The following MAGI1 variants were observed in gnomAD, a reference collection of about 807,000 sequenced individuals.
MAGI1 encodes membrane associated guanylate kinase, WW and PDZ domain containing 1, also known as membrane-associated guanylate kinase, WW and PDZ domain-containing protein 1.
Under a neutral mutation model 139.9 loss-of-function variants are expected in MAGI1, and 58 were observed. The ratio of observed to expected loss-of-function variants is 0.41; its 90% CI spans 0.34 to 0.52. MAGI1 has a LOEUF of 0.52. Ranked by LOEUF, MAGI1 falls within the 20% of genes least tolerant of loss-of-function variation. The pLI is 0.12. For synonymous variants in MAGI1, 812 were observed against 737.9 expected, an observed-to-expected ratio of 1.10 and a Z score of -1.63; for missense variants, 1,874 against 1,901.6, an observed-to-expected ratio of 0.99 and a Z score of 0.27.
chr3:65,888,035 C>A (rs1382877882), intron 1 of MAGI1, among the ~76,000 whole-genome samples: 1 of 152,094 alleles, frequency 6.6e-6, no homozygotes, highest in Admixed American at 6.6e-5. Flanking sequence ...GAACCTATCA[C>A]CAAACTAAGA....
intron 2 of MAGI1, among the ~76,000 whole-genome samples, chr3:65,508,574 T>C (rs1051522516): frequency 1.2e-4 from 18 of 152,184 alleles, no homozygotes; most frequent in Admixed American, 1.2e-3. Context: ...GTGCTTTGCC[T>C]TCTAAGACAG....
At chr3:65,847,509 A>AC (rs2059046955) in intron 1 of MAGI1, among the ~76,000 whole-genome samples, 1 of 152,216 alleles carries the variant, frequency 6.6e-6, no homozygotes, top group Admixed American at 6.5e-5. Context: ...CTAACATATT[A>AC]AACAAATTTT....
chr3:65,659,044 T>C (rs1409792006), intron 1 of MAGI1, among the ~76,000 whole-genome samples: 1 of 152,170 alleles, frequency 6.6e-6, no homozygotes, highest in African/African-American at 2.4e-5. Context: ...TAAGTCCTAT[T>C]TTTATTCCTA....
intron 1 of MAGI1, among the ~76,000 whole-genome samples, chr3:65,692,547 A>T (rs1277629516): frequency 1.3e-5 from 2 of 152,138 alleles, no homozygotes; most frequent in East Asian, 3.9e-4. Context: ...GTCATCACCA[A>T]CATCATCATC....
At chr3:65,709,828 C>A (rs575211803) in intron 1 of MAGI1, among the ~76,000 whole-genome samples, 1 of 152,162 alleles carries the variant, frequency 6.6e-6, no homozygotes, top group Non-Finnish European at 1.5e-5. Flanking sequence ...CTCTAATTGA[C>A]GTACAGAACT....
chr3:65,538,138 C>T (rs2372066), intron 2 of MAGI1, among the ~76,000 whole-genome samples: 38,399 of 151,974 alleles, frequency 0.25, 5,186 homozygotes, highest in African/African-American at 0.32. Context: ...TCTAGCTCAA[C>T]AAAAACAAAG....
chr3:65,696,623 T>A (rs75223110), intron 1 of MAGI1, among the ~76,000 whole-genome samples: 24,290 of 152,178 alleles, frequency 0.16, 2,598 homozygotes, highest in Non-Finnish European at 0.24. Context: ...CTTCATGTTT[T>A]TTTTCCCTCC....
At chr3:65,415,248 C>T (rs1028830946) in intron 12 of MAGI1, among the ~76,000 whole-genome samples, 1 of 152,192 alleles carries the variant, frequency 6.6e-6, no homozygotes, top group Non-Finnish European at 1.5e-5. Flanking sequence ...CTCCAGACAA[C>T]TAAGTCAAAG....
intron 4 of MAGI1, among the ~76,000 whole-genome samples, chr3:65,472,365 T>C (rs1174232153): frequency 6.6e-6 from 1 of 152,148 alleles, no homozygotes; most frequent in African/African-American, 2.4e-5. Flanking sequence ...GGCTCTGTCC[T>C]CCAGGAAACA....
chr3:65,717,400 C>G (rs897373081), intron 1 of MAGI1: 1 of 152,116 alleles, frequency 6.6e-6, no homozygotes, highest in Admixed American at 6.6e-5. Flanking sequence ...GTTTCCAGCA[C>G]GAGATGGAGA....
intron 2 of MAGI1, among the ~76,000 whole-genome samples, chr3:65,613,519 G>C (rs1427054667): frequency 1.3e-5 from 2 of 152,104 alleles, no homozygotes; most frequent in Admixed American, 6.5e-5. Flanking sequence ...TCTATTAACA[G>C]ACACATATAA....
chr3:65,594,472 A>G (rs544855582), intron 2 of MAGI1, among the ~76,000 whole-genome samples: 33 of 152,352 alleles, frequency 2.2e-4, no homozygotes, highest in South Asian at 1.9e-3. Flanking sequence ...ACACTTCAAA[A>G]GCCTAAAAGT....
chr3:65,603,622 T>G (rs1233857756), intron 2 of MAGI1, among the ~76,000 whole-genome samples: 4 of 152,210 alleles, frequency 2.6e-5, no homozygotes, highest in Non-Finnish European at 4.4e-5. Flanking sequence ...TACATGCTGG[T>G]CTTGTAAGCC....
intron 1 of MAGI1, among the ~76,000 whole-genome samples, chr3:65,878,515 CAAAAA>C (rs35158287): frequency 2.5e-5 from 2 of 81,254 alleles, no homozygotes; most frequent in Non-Finnish European, 2.6e-5. Context: ...GACTCAGTCT[CAAAAA>C]AAAAAAAAAA....
At chr3:65,573,353 C>T (rs1239204770) in intron 2 of MAGI1, among the ~76,000 whole-genome samples, 1 of 151,940 alleles carries the variant, frequency 6.6e-6, no homozygotes, top group Non-Finnish European at 1.5e-5. Flanking sequence ...CATAATACAT[C>T]ATGAGCAAAT....
At chr3:65,748,391 TG>T (rs1431604314) in intron 1 of MAGI1, among the ~76,000 whole-genome samples, 3 of 152,178 alleles carry the variant, frequency 2.0e-5, no homozygotes, top group Non-Finnish European at 2.9e-5. Context: ...GGATGATTAA[TG>T]CAAAGCCCAG....
chr3:66,028,197 G>A (rs1006499818), intron 1 of MAGI1, among the ~76,000 whole-genome samples: 8 of 152,276 alleles, frequency 5.3e-5, no homozygotes, highest in Admixed American at 2.0e-4. Context: ...AGCCACTCAG[G>A]AGGCTGAGGT....
At chr3:65,884,816 T>C (rs943488662) in intron 1 of MAGI1, among the ~76,000 whole-genome samples, 1 of 152,164 alleles carries the variant, frequency 6.6e-6, no homozygotes, top group Admixed American at 6.5e-5. Context: ...TGAGAGCACA[T>C]GGAATTTGGT....
chr3:65,628,050 TC>T lies in MAGI1; in HGVS notation c.314-5963del, dbSNP rs1356565864. On this transcript the variant is annotated intron_variant, in intron 1 of 22. Coordinates refer to ENST00000402939, the MANE Select transcript of MAGI1 (RefSeq NM_001033057.2). ...CTGCTATAAATGTCATTGTAATGCC[TC>T]CCTCCCCTAATTTTTTTTTAGCAAA... Among the ~76,000 whole-genome samples the T allele has an allele frequency of 2.6e-5, 4 of 152,302 alleles. No individual in the cohort carries two copies. The South Asian group carries it at 6.2e-4, about 24-fold the overall frequency.
Sources: allele counts gnomAD v4.1 joint callset (sites outside exome capture counted in the v4.1 genomes callset), GRCh38; gene constraint gnomAD v4.1.1; transcripts MANE v1.5; gene names NCBI Gene and HGNC (gene_info 2026-07-23, HGNC 2026-07-21).